RFX2: variants seen among roughly 807,000 people sequenced by gnomAD.
RFX2 encodes DNA-binding protein RFX2.
In RFX2, 20 loss-of-function variants were observed where a neutral mutation model predicts 87.8. The ratio of observed to expected loss-of-function variants is 0.23; its 90% CI spans 0.16 to 0.33. RFX2 has a LOEUF of 0.33. RFX2 is among the 10% of genes least tolerant of loss of function. RFX2 has a pLI of 1.00. For missense variants in RFX2, 767 were observed against 1,012.3 expected (o/e 0.76, Z 3.29); for synonymous variants, 397 against 431.3 (o/e 0.92, Z 0.98).
Position 6,007,754 on chromosome 19 carries a change from G to C in RFX2, c.1183C>G (p.Leu395Val), listed in dbSNP as rs1202065688. 18 of 1,555,792 alleles carry C rather than the reference G, an allele frequency of 1.2e-5. No individual in the cohort carries two copies. Among genetic ancestry groups the C allele is most frequent in the Non-Finnish European group, 1.5e-5 (17 of 1,148,770 alleles). The change falls in exon 11 of 18, where the codon CTG becomes GTG. Residue 395 changes from leucine (L) to valine (V), a missense_variant. Physicochemically the swap from Leu to Val is conservative, Grantham distance 32. Around this residue, in one of 2 missense-constraint regions of RFX2, gnomAD observed 621 missense variants for 873.0 expected, o/e 0.71. Transcript: ENST00000303657. This position sits in a 1 kb window ranked among gnomAD's most constrained non-coding sequence, Gnocchi z 8.2. ...TTAGAGTTCCAGAAGGAGAGCCACA[G>C]CTTCTCGATGTAGTGGAACTGGAGG... Reference protein sequence around the residue: ...MNLQFHYIEKLWLSFWNSKAS... With the variant: ...MNLQFHYIEKVWLSFWNSKAS...
At position 6,061,996 on chromosome 19, in the gene RFX2, A is replaced by T. The variant is rs2087440762; in HGVS notation, c.-8-14492T>A. Among the ~76,000 whole-genome samples the T allele has an allele frequency of 6.6e-6, 1 of 151,954 alleles. No individual in the cohort carries two copies. The highest frequency in any genetic ancestry group is 1.5e-5 in the Non-Finnish European group (1 of 67,992). The stretch of plus-strand genomic sequence containing the variant: ...ATCTCTACAAACAAACAAACAAACA[A>T]CAACAACAACAAACTGGGGGCCGGG... On this transcript the variant is annotated intron_variant, in intron 1 of 17. Transcript: ENST00000303657. This position sits in a 1 kb window ranked among gnomAD's most constrained non-coding sequence, Gnocchi z 5.2.
At chr19:6,006,488 A>G (rs1376768556) in intron 12 of RFX2, among the ~76,000 whole-genome samples, 1 of 138,058 alleles carries the variant, frequency 7.2e-6, no homozygotes, top group Non-Finnish European at 1.5e-5. Flanking sequence ...TTTTTGAGAC[A>G]GAGTCAAGCT....
At chr19:6,038,425 A>G (rs1273333729) in intron 5 of RFX2, among the ~76,000 whole-genome samples, 5 of 151,996 alleles carry the variant, frequency 3.3e-5, no homozygotes, top group Admixed American at 2.6e-4. Context: ...GCAAATAGGC[A>G]AAGAGTTCTT....
chr19:6,024,847 G>C lies in RFX2; in HGVS notation c.597+1316C>G, dbSNP rs7251933. On this transcript the variant is annotated intron_variant, in intron 6 of 17. Coordinates refer to ENST00000303657, the MANE Select transcript of RFX2 (RefSeq NM_000635.4). The surrounding 1 kb of genome is among the most constrained non-coding windows in gnomAD (Gnocchi z 5.0). ...ACGGGATCACGGTGAGGACGGGAGT[G>C]AGGACGGGATCACGGTGAGGACGGG... is the stretch of plus-strand genomic sequence containing the variant. Among the ~76,000 whole-genome samples, 125 of 105,014 alleles carry C rather than the reference G, an allele frequency of 1.2e-3. No homozygotes were observed. The highest frequency in any genetic ancestry group is 8.2e-3 in the African/African-American group (110 of 13,338). The allele number at this position is 105,014 out of a possible 152,430, so 68.9% of individuals were successfully genotyped here.
At chr19:6,003,441 G>T (rs577880922) in intron 13 of RFX2, among the ~76,000 whole-genome samples, 1 of 152,032 alleles carries the variant, frequency 6.6e-6, no homozygotes, top group Non-Finnish European at 1.5e-5. Context: ...GAGCAGGCGG[G>T]TGCCCTGCAG....
Position 6,019,535 on chromosome 19 carries a change from T to TG in RFX2, c.598-3265dup, listed in dbSNP as rs1324112780. 1.8e-4 allele frequency among the ~76,000 whole-genome samples: 26 copies of TG among 147,034 alleles called. No individual in the cohort carries two copies. The South Asian group carries it at 5.3e-3, about 30-fold the overall frequency. Reference sequence around the variant, plus strand: ...GTATGTGTGTGTGTGTGTGTGTGTGTGTGTGTGTGTATATACTTTTATATA... The same window carrying TG: ...GTATGTGTGTGTGTGTGTGTGTGTGTGGTGTGTGTGTATATACTTTTATATA... On this transcript the variant is annotated intron_variant, in intron 6 of 17. Coordinates refer to ENST00000303657, the MANE Select transcript of RFX2 (RefSeq NM_000635.4).
chr19:6,021,024 T>C lies in RFX2; in HGVS notation c.598-4753A>G, dbSNP rs771076225. ...TGCAGGCACAGCCCCTGTGGACAGA[T>C]ATCCTCACCTGCCGGTGGGAAGGCA... On this transcript the variant is annotated intron_variant, in intron 6 of 17. Transcript: ENST00000303657. The surrounding 1 kb of genome is among the most constrained non-coding windows in gnomAD (Gnocchi z 5.7). 6.6e-6 allele frequency among the ~76,000 whole-genome samples: 1 copy of C among 152,170 alleles called. No individual in the cohort carries two copies. Among genetic ancestry groups the C allele is most frequent in the African/African-American group, 2.4e-5 (1 of 41,444 alleles).
rs199781048 is a variant in RFX2 at position 5,994,954 on chromosome 19, C to T, written c.2057-4G>A. 1.1e-4 allele frequency: 171 copies of T among 1,601,816 alleles called. 1 individual carries two copies. The East Asian group carries it at 3.2e-3, about 30-fold the overall frequency. On this transcript the variant is annotated splice_region_variant and splice_polypyrimidine_tract_variant and intron_variant, in intron 17 of 17. Coordinates refer to ENST00000303657, the MANE Select transcript of RFX2 (RefSeq NM_000635.4). ...CGCTGCTCATCGCCCATGTCATCTG[C>T]GGAGGGAGGGGTAGGGTCAGTGTCC...
At chr19:6,080,035 G>C (rs1349015627) in intron 1 of RFX2, among the ~76,000 whole-genome samples, 1 of 151,692 alleles carries the variant, frequency 6.6e-6, no homozygotes, top group Non-Finnish European at 1.5e-5. Context: ...CCCCATTCTA[G>C]GCTCTGAGGA....
chr19:6,104,273 A>T (rs1220135466), intron 1 of RFX2, among the ~76,000 whole-genome samples: 1 of 152,054 alleles, frequency 6.6e-6, no homozygotes, highest in Non-Finnish European at 1.5e-5. Flanking sequence ...TTCTTAATTT[A>T]AAAAAAATTT....
chr19:6,085,520 T>C (rs980411064), intron 1 of RFX2, among the ~76,000 whole-genome samples: 5 of 152,256 alleles, frequency 3.3e-5, no homozygotes, highest in African/African-American at 1.2e-4. Context: ...ATTAACCTCT[T>C]ATTAGAAATG....
chr19:6,097,278 G>A (rs1461762490), intron 1 of RFX2, among the ~76,000 whole-genome samples: 1 of 152,122 alleles, frequency 6.6e-6, no homozygotes, highest in Non-Finnish European at 1.5e-5. Flanking sequence ...GCCCAGGCTG[G>A]GACCCACACA....
intron 1 of RFX2, among the ~76,000 whole-genome samples, chr19:6,091,862 C>T (rs897826256): frequency 2.6e-5 from 4 of 152,228 alleles, no homozygotes; most frequent in Middle Eastern, 3.4e-3. Flanking sequence ...GAATGAACTG[C>T]GGGAGGTAGG....
chr19:6,085,423 T>C (rs1341369689), intron 1 of RFX2, among the ~76,000 whole-genome samples: 1 of 152,264 alleles, frequency 6.6e-6, no homozygotes, highest in Non-Finnish European at 1.5e-5. Flanking sequence ...AATATCTTCT[T>C]TGAAGAAAGA....
intron 1 of RFX2, among the ~76,000 whole-genome samples, chr19:6,089,806 C>T (rs931579086): frequency 6.6e-6 from 1 of 152,166 alleles, no homozygotes; most frequent in Non-Finnish European, 1.5e-5. Flanking sequence ...CCCTCCCTTC[C>T]CTCCACCACC....
chr19:6,033,642 T>G (rs972684356), intron 5 of RFX2, among the ~76,000 whole-genome samples: 1 of 96,468 alleles, frequency 1.0e-5, no homozygotes, highest in African/African-American at 4.0e-5. Flanking sequence ...AAAAACCCTA[T>G]AAAACCAGCT....
Position 5,994,795 on chromosome 19 carries a change from G to T in RFX2, c.*40C>A. ...ATCCAGGTTCCCAGAGTGACCAGGC[G>T]GCATCTTTTGGAACCTCGAGGAGGC... On this transcript the variant is annotated 3_prime_UTR_variant, in exon 18 of 18. Coordinates refer to ENST00000303657, the MANE Select transcript of RFX2 (RefSeq NM_000635.4). The T allele has an allele frequency of 7.5e-7, 1 of 1,331,178 alleles. No individual in the cohort carries two copies. The highest frequency in any genetic ancestry group is 1.1e-6 in the Non-Finnish European group (1 of 937,554). 82.5% of individuals were successfully genotyped at this position (1,331,178 alleles called of 1,614,324 possible). A position where few individuals can be genotyped will look rare whatever the true frequency, so the allele number is the denominator to read the frequency against.
rs2086537881 is a variant in RFX2, at chr19:6,004,052, G to A, written c.1500+149C>T. 3 of 658,678 alleles carry A rather than the reference G, an allele frequency of 4.6e-6. No individual in the cohort carries two copies. Among genetic ancestry groups the A allele is most frequent in the South Asian group, 3.4e-5 (2 of 58,092 alleles). The allele number at this position is 658,678 out of a possible 1,614,324, so 40.8% of individuals were successfully genotyped here. A position where few individuals can be genotyped will look rare whatever the true frequency, so the allele number is the denominator to read the frequency against. The stretch of plus-strand genomic sequence containing the variant: ...TGCCAGCACTGACGCGTCACCGGCA[G>A]TGTGCTCAGGGCTTCCTGAAGGGAT... On this transcript the variant is annotated intron_variant, in intron 13 of 17. Transcript: ENST00000303657. The surrounding 1 kb of genome is among the most constrained non-coding windows in gnomAD (Gnocchi z 4.8).
At chr19:6,005,514 G>A (rs552859483) in intron 12 of RFX2, among the ~76,000 whole-genome samples, 9 of 152,208 alleles carry the variant, frequency 5.9e-5, no homozygotes, top group African/African-American at 9.7e-5. Context: ...GGGCTCCCTC[G>A]TGGTGGGTGC....
Sources: allele counts gnomAD v4.1 joint callset (sites outside exome capture counted in the v4.1 genomes callset), GRCh38; gene constraint gnomAD v4.1.1; regional missense constraint gnomAD v4.1.1; non-coding constraint Gnocchi (gnomAD v3.1); transcripts MANE v1.5; gene names NCBI Gene and HGNC (gene_info 2026-07-23, HGNC 2026-07-21).